PTPRN2: variants seen among roughly 807,000 people sequenced by gnomAD.
PTPRN2 encodes the protein receptor-type tyrosine-protein phosphatase N2.
A neutral mutation model predicts 118.8 loss-of-function variants in PTPRN2; 74 were observed. The ratio of observed to expected loss-of-function variants is 0.62; its 90% CI spans 0.52 to 0.76. The LOEUF is 0.76. PTPRN2 is among the 30% of genes least tolerant of loss of function. PTPRN2 has a pLI of 0.00. For missense variants in PTPRN2, 1,481 were observed against 1,394.4 expected, an observed-to-expected ratio of 1.06 and a Z score of -0.99; for synonymous variants, 641 against 608.0, an observed-to-expected ratio of 1.05 and a Z score of -0.80.
Position 157,795,410 on chromosome 7 carries a change from C to G in PTPRN2, c.1788+103263G>C, listed in dbSNP as rs181895701. On this transcript the variant is annotated intron_variant, in intron 12 of 22. Transcript: ENST00000389418. ...ATGGGGCCTCAGCACCGTCTGTTTG[C>G]TCACCCTCCCCAGGGGGCTGAGGCT... is the stretch of plus-strand genomic sequence containing the variant. Among the ~76,000 whole-genome samples, 116 of 152,372 alleles carry G rather than the reference C, an allele frequency of 7.6e-4. No individual in the cohort carries two copies. In the East Asian group the frequency reaches 0.021, roughly 28 times the overall value.
chr7:158,279,477 C>T (rs1799263925), intron 3 of PTPRN2, among the ~76,000 whole-genome samples: 1 of 152,136 alleles, frequency 6.6e-6, no homozygotes, highest in South Asian at 2.1e-4. Flanking sequence ...AATGGGAGCT[C>T]GTCCCAGACA....
chr7:157,840,331 G>A lies in PTPRN2; in HGVS notation c.1788+58342C>T, dbSNP rs570992316. Among the ~76,000 whole-genome samples the A allele has an allele frequency of 4.0e-4, 52 of 128,632 alleles. No individual in the cohort carries two copies. The South Asian group carries it at 8.3e-3, about 21-fold the overall frequency. 84.4% of individuals were successfully genotyped at this position (128,632 alleles called of 152,430 possible). On this transcript the variant is annotated intron_variant, in intron 12 of 22. Coordinates refer to ENST00000389418, the MANE Select transcript of PTPRN2 (RefSeq NM_002847.5). The stretch of plus-strand genomic sequence containing the variant: ...TGTGGCCACGTGTGACTGTGTGACC[G>A]CGTGTGACGTGTGGCCGCGTGTGAC...
intron 3 of PTPRN2, among the ~76,000 whole-genome samples, chr7:158,294,658 A>C (rs1306389321): frequency 7.0e-6 from 1 of 143,468 alleles, no homozygotes; most frequent in Non-Finnish European, 1.5e-5. Context: ...GCGGGGAGGG[A>C]GGAGTGTTCC....
chr7:158,349,933 C>T (rs1807802669), intron 2 of PTPRN2, among the ~76,000 whole-genome samples: 1 of 152,166 alleles, frequency 6.6e-6, no homozygotes, highest in Admixed American at 6.5e-5. Flanking sequence ...CACCCCCTTC[C>T]TGATGTCCAA....
intron 12 of PTPRN2, among the ~76,000 whole-genome samples, chr7:157,847,860 G>A (rs1808973852): frequency 6.7e-6 from 1 of 149,996 alleles, no homozygotes; most frequent in Non-Finnish European, 1.5e-5. Context: ...TGTCTACAGA[G>A]CCCTCTCTCA....
intron 13 of PTPRN2, among the ~76,000 whole-genome samples, chr7:157,660,067 T>A (rs1001870871): frequency 1.2e-4 from 19 of 152,314 alleles, no homozygotes; most frequent in African/African-American, 4.6e-4. Flanking sequence ...TTCTCAATTG[T>A]GCACATGAAT....
rs200170831 is a variant in PTPRN2 at position 158,541,760 on chromosome 7, C to T, written c.112+45798G>A. ...CGCAGCTCAGAACCCAAAAGGGCTG[C>T]GGACGCATAAAAGGGGAAGTATCAG... On this transcript the variant is annotated intron_variant, in intron 1 of 22. Transcript: ENST00000389418. 703 of 1,191,306 alleles carry T rather than the reference C, an allele frequency of 5.9e-4. 4 individuals are homozygous for T. The highest frequency in any genetic ancestry group is 7.6e-4 in the Middle Eastern group (2 of 2,638). 73.8% of individuals were successfully genotyped at this position (1,191,306 alleles called of 1,614,324 possible). A position where few individuals can be genotyped will look rare whatever the true frequency, so the allele number is the denominator to read the frequency against.
intron 9 of PTPRN2, among the ~76,000 whole-genome samples, chr7:158,126,668 G>C (rs1371319500): frequency 1.4e-5 from 2 of 147,624 alleles, no homozygotes; most frequent in Admixed American, 1.4e-4. Context: ...CAGCCCCCAG[G>C]ACAGCGGGCG....
chr7:158,450,981 G>A (rs1400078831), intron 2 of PTPRN2, among the ~76,000 whole-genome samples: 1 of 152,186 alleles, frequency 6.6e-6, no homozygotes, highest in Non-Finnish European at 1.5e-5. Context: ...GGTGCTTCCA[G>A]GAACTCCCCG....
In PTPRN2 at chr7:158,065,140, G is replaced by A. The variant is rs138660569; in HGVS notation, c.1723+16158C>T. Among the ~76,000 whole-genome samples, 431 of 152,292 alleles carry A rather than the reference G, an allele frequency of 2.8e-3. 3 individuals carry two copies. Among genetic ancestry groups the A allele is most frequent in the African/African-American group, 9.9e-3 (412 of 41,544 alleles). On this transcript the variant is annotated intron_variant, in intron 11 of 22. Coordinates refer to ENST00000389418, the MANE Select transcript of PTPRN2 (RefSeq NM_002847.5). Reference sequence around the variant, plus strand: ...ATTGCCGACTCGGGACGAGAGAAACGCCTGACATGGCAGTGGCTCTGACTG... The same window carrying A: ...ATTGCCGACTCGGGACGAGAGAAACACCTGACATGGCAGTGGCTCTGACTG...
intron 2 of PTPRN2, among the ~76,000 whole-genome samples, chr7:158,479,075 A>C (rs1439816696): frequency 6.6e-6 from 1 of 152,124 alleles, no homozygotes; most frequent in African/African-American, 2.4e-5. Context: ...CGGGGGCAGA[A>C]GAGGTAAAGA....
rs1204735343 is a variant in PTPRN2, at chr7:158,133,666, C to A, written c.1556+11G>T. Reference sequence around the variant, plus strand: ...TCGGCACACAGGAGCTTAGCCAGGGCTGCTACTCACTCTCTGTCTGTCACG... The same window carrying A: ...TCGGCACACAGGAGCTTAGCCAGGGATGCTACTCACTCTCTGTCTGTCACG... On this transcript the variant is annotated intron_variant, in intron 9 of 22. Coordinates refer to ENST00000389418, the MANE Select transcript of PTPRN2 (RefSeq NM_002847.5). 1.3e-6 allele frequency: 2 copies of A among 1,556,430 alleles called. No homozygotes were observed. Among genetic ancestry groups the A allele is most frequent in the Admixed American group, 1.8e-5 (1 of 56,326 alleles).
intron 11 of PTPRN2, among the ~76,000 whole-genome samples, chr7:157,958,813 G>A (rs1297900040): frequency 1.3e-5 from 2 of 152,140 alleles, no homozygotes; most frequent in Non-Finnish European, 2.9e-5. Flanking sequence ...ATTATTGTTA[G>A]CTTTTAATAC....
At chr7:158,224,406 A>T (rs982104965) in intron 3 of PTPRN2, among the ~76,000 whole-genome samples, 1 of 152,204 alleles carries the variant, frequency 6.6e-6, no homozygotes, top group African/African-American at 2.4e-5. Flanking sequence ...CAAATAATAC[A>T]ATAGAATAGA....
At chr7:158,085,380 ATGCCCATCCACACCCAC>A (rs1813260334) in intron 10 of PTPRN2, among the ~76,000 whole-genome samples, 1 of 29,102 alleles carries the variant, frequency 3.4e-5, no homozygotes, top group African/African-American at 7.9e-5. Context: ...CCATCCACAC[ATGCCCATCCACACCCAC>A]GACGCCCATC....
chr7:158,319,539 C>CCTCCCTCACACACACTCAGT (rs1802696691), intron 2 of PTPRN2, among the ~76,000 whole-genome samples: 1 of 90,566 alleles, frequency 1.1e-5, no homozygotes. Flanking sequence ...ACACACACAG[C>CCTCCCTCACACACACTCAGT]CTCCCTCACA....
chr7:158,025,093 C>A (rs944228227), intron 11 of PTPRN2, among the ~76,000 whole-genome samples: 1 of 152,046 alleles, frequency 6.6e-6, no homozygotes, highest in African/African-American at 2.4e-5. Context: ...ATGCACTGGA[C>A]AAAGACACAT....
intron 1 of PTPRN2, among the ~76,000 whole-genome samples, chr7:158,501,493 A>G (rs1255926783): frequency 1.3e-5 from 2 of 152,068 alleles, no homozygotes; most frequent in East Asian, 3.9e-4. Context: ...CCCCGACACA[A>G]CGCCAGGCTG....
In PTPRN2 at chr7:157,540,640, CAATT is replaced by C; in HGVS notation, c.*70_*73del. On this transcript the variant is annotated 3_prime_UTR_variant, in exon 23 of 23. Transcript: ENST00000389418. ...CTATGCAGTTATAATAGAAGACACACAATTAAAGTCAGATCATGATTCCTGACAA... is the reference window on the plus strand; with the variant it reads ...CTATGCAGTTATAATAGAAGACACACAAAGTCAGATCATGATTCCTGACAA... The C allele has an allele frequency of 7.7e-7, 1 of 1,290,652 alleles. No individual in the cohort carries two copies. Among genetic ancestry groups the C allele is most frequent in the Non-Finnish European group, 1.1e-6 (1 of 918,170 alleles). 79.9% of individuals were successfully genotyped at this position (1,290,652 alleles called of 1,614,324 possible).
Sources: allele counts gnomAD v4.1 joint callset (sites outside exome capture counted in the v4.1 genomes callset), GRCh38; gene constraint gnomAD v4.1.1; transcripts MANE v1.5; gene names NCBI Gene and HGNC (gene_info 2026-07-23, HGNC 2026-07-21).